Variants in CHRNA5 observed in about 807,000 individuals in gnomAD.
CHRNA5 encodes neuronal acetylcholine receptor subunit alpha-5.
CHRNA5 carries 28 observed loss-of-function variants against 41.2 expected under a neutral mutation model. The ratio of observed to expected loss-of-function variants is 0.68; its 90% CI spans 0.50 to 0.93. CHRNA5 has a LOEUF of 0.93. Among genes scored for constraint, CHRNA5 ranks in the 40% least tolerant of loss-of-function variants. The pLI is 0.00. For missense variants in CHRNA5, 481 were observed against 581.9 expected (o/e 0.83, Z 1.78); for synonymous variants, 188 against 205.8 (o/e 0.91, Z 0.74).
At chr15:78,589,301 C>T (rs181842049) in intron 4 of CHRNA5, 6 of 152,710 alleles carry the variant, frequency 3.9e-5, no homozygotes, top group African/African-American at 1.4e-4. Flanking sequence ...AGACTTTTCT[C>T]ATATATGAAT....
At chr15:78,589,540 T>TTAGA (rs1318364375) in intron 4 of CHRNA5, 41 of 370,588 alleles carry the variant, frequency 1.1e-4, no homozygotes, top group African/African-American at 8.2e-4. Context: ...TTTTCAATCA[T>TTAGA]TAGAATCTCA....
At chr15:78,577,845 C>T (rs1039141655) in intron 1 of CHRNA5, among the ~76,000 whole-genome samples, 5 of 150,628 alleles carry the variant, frequency 3.3e-5, no homozygotes, top group Non-Finnish European at 4.4e-5. Flanking sequence ...GTGGGAGGAT[C>T]GCTTGAGTCC....
chr15:78,565,630 T>G (rs893727247), exon 1 of CHRNA5: 2 of 317,670 alleles, frequency 6.3e-6, no homozygotes, highest in African/African-American at 2.2e-5. Context: ...GTCTCACGAC[T>G]CACACTCAGT....
exon 1 of CHRNA5, chr15:78,565,698 G>T (rs1271053924): frequency 2.8e-6 from 3 of 1,062,916 alleles, no homozygotes; most frequent in Non-Finnish European, 2.3e-6. Context: ...GGCTGCCCGC[G>T]GTCCCGCGCG....
At chr15:78,587,947 A>G (rs1327964184) in intron 3 of CHRNA5, among the ~76,000 whole-genome samples, 2 of 152,228 alleles carry the variant, frequency 1.3e-5, no homozygotes, top group Non-Finnish European at 2.9e-5. Context: ...TGCATGGACC[A>G]GAACAGCCAA....
In CHRNA5 at chr15:78,574,469, C is replaced by G. The variant is rs58651598; in HGVS notation, c.107-6342C>G. Reference sequence around the variant, plus strand: ...TTTTTTTAAAAAAATCTTAAACTACCTAGACACTACCTAACATAGTAAGAT... The same window carrying G: ...TTTTTTTAAAAAAATCTTAAACTACGTAGACACTACCTAACATAGTAAGAT... On this transcript the variant is annotated intron_variant, in intron 1 of 5. Transcript: ENST00000299565. 2.9e-3 allele frequency among the ~76,000 whole-genome samples: 441 copies of G among 151,526 alleles called. 15 individuals are homozygous for G. The East Asian group carries it at 0.053, about 18-fold the overall frequency.
chr15:78,574,189 T>C lies in CHRNA5; in HGVS notation c.107-6622T>C, dbSNP rs2052834574. Among the ~76,000 whole-genome samples, 4 of 151,024 alleles carry C rather than the reference T, an allele frequency of 2.6e-5. No homozygotes were observed. In the South Asian group the frequency reaches 8.4e-4, roughly 32 times the overall value. On this transcript the variant is annotated intron_variant, in intron 1 of 5. Coordinates refer to ENST00000299565, the Ensembl canonical transcript of CHRNA5. ...TGAGGTCGGGAGTTCAAAACCAGCC[T>C]GACCAACATGGAGAAACCCCGTCTC...
At chr15:78,571,307 A>G (rs2052802757) in intron 1 of CHRNA5, among the ~76,000 whole-genome samples, 1 of 152,240 alleles carries the variant, frequency 6.6e-6, no homozygotes, top group African/African-American at 2.4e-5. Flanking sequence ...GAAAACAAGC[A>G]TTATCCTGCT....
At chr15:78,580,728 C>T (rs2052904534) in intron 1 of CHRNA5, 83 bp from the exon 2 acceptor site, 2 of 1,246,398 alleles carry the variant, frequency 1.6e-6, no homozygotes, top group South Asian at 3.0e-5. Context: ...CCTTTGCCTC[C>T]TGGGTTTGAA....
At chr15:78,579,020 C>A (rs2052884683) in intron 1 of CHRNA5, among the ~76,000 whole-genome samples, 1 of 149,548 alleles carries the variant, frequency 6.7e-6, no homozygotes, top group Admixed American at 6.7e-5. Context: ...CCATAGTATC[C>A]AAAACATTTT....
exon 5 of CHRNA5, chr15:78,590,249 T>G (rs768958886): frequency 6.2e-7 from 1 of 1,614,064 alleles, no homozygotes; most frequent in East Asian, 2.2e-5. Flanking sequence ...GTCTCTGCAC[T>G]TCAGTACTTG....
intron 1 of CHRNA5, among the ~76,000 whole-genome samples, chr15:78,579,899 T>C (rs1275350403): frequency 6.6e-5 from 10 of 152,216 alleles, no homozygotes. Context: ...AAAAGCAGTT[T>C]TATACAAATG....
chr15:78,583,237 A>C (rs1205805491), intron 2 of CHRNA5, among the ~76,000 whole-genome samples: 1 of 152,244 alleles, frequency 6.6e-6, no homozygotes. Flanking sequence ...GAAGATCAGT[A>C]AAACAGTAAT....
intron 2 of CHRNA5, among the ~76,000 whole-genome samples, chr15:78,583,545 A>G (rs1408644555): frequency 6.6e-6 from 1 of 152,098 alleles, no homozygotes; most frequent in East Asian, 1.9e-4. Flanking sequence ...ATACAAAAAA[A>G]TTAGCTGGGC....
chr15:78,568,755 A>G (rs1197182874), intron 1 of CHRNA5, among the ~76,000 whole-genome samples: 2 of 152,162 alleles, frequency 1.3e-5, no homozygotes, highest in African/African-American at 4.8e-5. Flanking sequence ...TTCCTGTGTT[A>G]GTTTGCTGAG....
At chr15:78,567,145 C>T (rs1382052329) in intron 1 of CHRNA5, among the ~76,000 whole-genome samples, 5 of 151,066 alleles carry the variant, frequency 3.3e-5, no homozygotes, top group African/African-American at 1.2e-4. Context: ...CCCAGCTACT[C>T]GGGAGGCTGA....
At position 78,588,039 on chromosome 15, in the gene CHRNA5, TAGTC is replaced by T. The variant is rs1246629509; in HGVS notation, c.304-267_304-264del. 6.6e-6 allele frequency among the ~76,000 whole-genome samples: 1 copy of T among 152,164 alleles called. No individual in the cohort carries two copies. The highest frequency in any genetic ancestry group is 1.5e-5 in the Non-Finnish European group (1 of 68,018). On this transcript the variant is annotated intron_variant, in intron 3 of 5. Coordinates refer to ENST00000299565, the Ensembl canonical transcript of CHRNA5. The surrounding 1 kb of genome is among the most constrained non-coding windows in gnomAD (Gnocchi z 4.1). ...TGCCTGTGGCTTCAAGTCCTGGATA[TAGTC>T]AGTCAGTTGATGGGAGAAGAGTTGC... is the stretch of plus-strand genomic sequence containing the variant.
At chr15:78,578,004 TAGG>T (rs761498653) in intron 1 of CHRNA5, among the ~76,000 whole-genome samples, 81 of 152,052 alleles carry the variant, frequency 5.3e-4, no homozygotes, top group Non-Finnish European at 9.3e-4. Context: ...TCAGGGACTA[TAGG>T]AGGATTAGAA....
chr15:78,592,842 C>T (rs114782151), intron 5 of CHRNA5, among the ~76,000 whole-genome samples: 1,564 of 152,038 alleles, frequency 0.01, 29 homozygotes, highest in African/African-American at 0.03. Context: ...TTTAATCTAT[C>T]AAAATAAACC....
Sources: allele counts gnomAD v4.1 joint callset (sites outside exome capture counted in the v4.1 genomes callset), GRCh38; gene constraint gnomAD v4.1.1; non-coding constraint Gnocchi (gnomAD v3.1); transcripts MANE v1.5; gene names NCBI Gene and HGNC (gene_info 2026-07-23, HGNC 2026-07-21).